The following RFTN1 variants were observed in gnomAD, a reference collection of about 807,000 sequenced individuals.
RFTN1 encodes the protein raftlin, lipid raft linker 1, also known as raftlin.
A neutral mutation model predicts 46.5 loss-of-function variants in RFTN1; 26 were observed. The observed-to-expected ratio is 0.56, with a 90% CI of 0.41 to 0.78. The LOEUF (loss-of-function observed/expected upper bound fraction) is 0.78, where lower values mean the gene tolerates loss of function less well. Ranked by LOEUF, RFTN1 falls within the 30% of genes least tolerant of loss-of-function variation. RFTN1 has a pLI of 0.00. For synonymous variants in RFTN1, 261 were observed against 284.2 expected (o/e 0.92, Z 0.82); for missense variants, 693 against 718.7 (o/e 0.96, Z 0.41).
At position 16,334,601 on chromosome 3, in the gene RFTN1, A is replaced by T. The variant is rs2070670568; in HGVS notation, c.1147-7725T>A. On this transcript the variant is annotated intron_variant, in intron 7 of 9. Transcript: ENST00000334133. The surrounding 1 kb of genome is among the most constrained non-coding windows in gnomAD (Gnocchi z 4.3). Reference sequence around the variant, plus strand: ...GCTCATGTGTTGAGCCGGGGCATACAGGATGAAGAGGGACAATGAGAGGGA... The same window carrying T: ...GCTCATGTGTTGAGCCGGGGCATACTGGATGAAGAGGGACAATGAGAGGGA... Among the ~76,000 whole-genome samples the T allele has an allele frequency of 6.6e-6, 1 of 152,218 alleles. No homozygotes were observed. The highest frequency in any genetic ancestry group is 2.1e-4 in the South Asian group (1 of 4,830).
chr3:16,358,479 C>G (rs1275323014), intron 6 of RFTN1, among the ~76,000 whole-genome samples: 1 of 150,808 alleles, frequency 6.6e-6, no homozygotes, highest in South Asian at 2.1e-4. Context: ...ATATAACACA[C>G]CAGATCTGAG....
Position 16,424,385 on chromosome 3 carries a change from TG to T in RFTN1, c.332+9465del, listed in dbSNP as rs2075250076. Among the ~76,000 whole-genome samples, 1 of 152,204 alleles carries T rather than the reference TG, an allele frequency of 6.6e-6. No individual in the cohort carries two copies. The highest frequency in any genetic ancestry group is 6.5e-5 in the Admixed American group (1 of 15,282). ...ATGGTATCTTTTGGTTACAAAACAGTGTATGTCTAAAACCTCTGCTGAAAGC... is the reference window on the plus strand; with the variant it reads ...ATGGTATCTTTTGGTTACAAAACAGTTATGTCTAAAACCTCTGCTGAAAGC... On this transcript the variant is annotated intron_variant, in intron 3 of 9. Transcript: ENST00000334133. The surrounding 1 kb of genome is among the most constrained non-coding windows in gnomAD (Gnocchi z 4.7).
rs566938019 is a variant in RFTN1, at chr3:16,375,512, C to T, written c.826+2206G>A. Among the ~76,000 whole-genome samples the T allele has an allele frequency of 2.0e-3, 311 of 152,030 alleles. 1 individual carries two copies. The highest frequency in any genetic ancestry group is 6.9e-3 in the African/African-American group (286 of 41,428). On this transcript the variant is annotated intron_variant, in intron 5 of 9. Coordinates refer to ENST00000334133, the MANE Select transcript of RFTN1 (RefSeq NM_015150.2). The stretch of plus-strand genomic sequence containing the variant: ...GAATAGGGCACTTGGAGGGTGACTG[C>T]CATCGTGACCACTGAAAGGCTTATA...
chr3:16,491,923 G>A (rs1056957060), intron 2 of RFTN1, among the ~76,000 whole-genome samples: 65 of 152,086 alleles, frequency 4.3e-4, no homozygotes, highest in African/African-American at 1.5e-3. Flanking sequence ...GCAATGCCCA[G>A]CACATTGTAG....
rs148849759 is a variant in RFTN1, at chr3:16,409,420, T to A, written c.396A>T (p.Leu132Phe). 1 of 1,613,712 alleles carries A rather than the reference T, an allele frequency of 6.2e-7. No homozygotes were observed. Among genetic ancestry groups the A allele is most frequent in the South Asian group, 1.1e-5 (1 of 91,090 alleles). The change falls in exon 4 of 10, where the codon TTA (leucine) becomes TTT (phenylalanine). Residue 132 changes from leucine to phenylalanine, a missense_variant. Physicochemically the swap from Leu to Phe is conservative, Grantham distance 22. Transcript: ENST00000334133. ...YILELDCCSS[L>F]DHPTDQKLIP... is the part of the protein sequence containing the mutation. ...TGAGTTTCTGGTCTGTCGGGTGGTC[T>A]AAGGAGGAACAGCAATCTAATTCCA...
At chr3:16,373,515 C>T (rs780327892) in intron 5 of RFTN1, among the ~76,000 whole-genome samples, 1 of 152,192 alleles carries the variant, frequency 6.6e-6, no homozygotes, top group Non-Finnish European at 1.5e-5. Flanking sequence ...AGGTCTGTAC[C>T]TGGGCGTGGG....
At position 16,481,004 on chromosome 3, in the gene RFTN1, C is replaced by T. The variant is rs2076357513; in HGVS notation, c.145+12721G>A. ...ACATGCACACACACACACAGACACA[C>T]ACACACACACACACACACACACACA... On this transcript the variant is annotated intron_variant, in intron 2 of 9. Coordinates refer to ENST00000334133, the MANE Select transcript of RFTN1 (RefSeq NM_015150.2). This position sits in a 1 kb window ranked among gnomAD's most constrained non-coding sequence, Gnocchi z 5.1. Among the ~76,000 whole-genome samples, 1 of 150,656 alleles carries T rather than the reference C, an allele frequency of 6.6e-6. No individual in the cohort carries two copies. The highest frequency in any genetic ancestry group is 6.6e-5 in the Admixed American group (1 of 15,160).
intron 1 of RFTN1, among the ~76,000 whole-genome samples, chr3:16,502,213 T>A (rs992538222): frequency 2.0e-5 from 3 of 151,478 alleles, no homozygotes; most frequent in Non-Finnish European, 4.4e-5. Context: ...CAAAAAAATT[T>A]AAAAAAGAAA....
At chr3:16,495,685 G>C (rs1298385057) in intron 1 of RFTN1, among the ~76,000 whole-genome samples, 1 of 152,248 alleles carries the variant, frequency 6.6e-6, no homozygotes, top group African/African-American at 2.4e-5. Flanking sequence ...AGGCAGTGTG[G>C]TTTGGCAGGC....
rs73144305 is a variant in RFTN1, at chr3:16,355,078, A to G, written c.1146+2854T>C. Among the ~76,000 whole-genome samples the G allele has an allele frequency of 9.8e-3, 1,491 of 152,230 alleles. 19 individuals carry two copies. Among genetic ancestry groups the G allele is most frequent in the African/African-American group, 0.034 (1,394 of 41,528 alleles). On this transcript the variant is annotated intron_variant, in intron 7 of 9. Coordinates refer to ENST00000334133, the MANE Select transcript of RFTN1 (RefSeq NM_015150.2). The stretch of plus-strand genomic sequence containing the variant: ...ATCATGACTACTTAGATAATTTCCG[A>G]TAAGTCTGAGGCCCTCTCTACAGCT...
rs187515297 is a variant in RFTN1 at position 16,484,779 on chromosome 3, C to G, written c.145+8946G>C. 6.6e-6 allele frequency: 1 copy of G among 152,334 alleles called. No homozygotes were observed. Among genetic ancestry groups the G allele is most frequent in the African/African-American group, 2.4e-5 (1 of 41,572 alleles). The allele number at this position is 152,334 out of a possible 1,614,324, so 9.4% of individuals were successfully genotyped here. A position where few individuals can be genotyped will look rare whatever the true frequency, so the allele number is the denominator to read the frequency against. On this transcript the variant is annotated intron_variant, in intron 2 of 9. Coordinates refer to ENST00000334133, the MANE Select transcript of RFTN1 (RefSeq NM_015150.2). The surrounding 1 kb of genome is among the most constrained non-coding windows in gnomAD (Gnocchi z 4.6). Reference sequence around the variant, plus strand: ...GTGAAGGCTTTGCTGTTCAGTAAAACTACAAGATATCCTGCAAAGCTCCAA... The same window carrying G: ...GTGAAGGCTTTGCTGTTCAGTAAAAGTACAAGATATCCTGCAAAGCTCCAA...
chr3:16,378,847 G>C (rs1231033370), intron 4 of RFTN1, among the ~76,000 whole-genome samples: 1 of 152,144 alleles, frequency 6.6e-6, no homozygotes, highest in Non-Finnish European at 1.5e-5. Flanking sequence ...CTGTACCAAC[G>C]GGATGGGGGA....
rs533494314 is a variant in RFTN1 at position 16,372,449 on chromosome 3, G to A, written c.827-2170C>T. Among the ~76,000 whole-genome samples the A allele has an allele frequency of 1.9e-4, 29 of 152,228 alleles. No homozygotes were observed. The East Asian group carries it at 3.5e-3, about 18-fold the overall frequency. The stretch of plus-strand genomic sequence containing the variant: ...GGAAGCGGTGGGCTCGGCCAGAGCT[G>A]TCCACAGGTGACCCCAACATGGGCC... On this transcript the variant is annotated intron_variant, in intron 5 of 9. Transcript: ENST00000334133.
chr3:16,414,310 A>G (rs1461652975), intron 3 of RFTN1, among the ~76,000 whole-genome samples: 1 of 149,048 alleles, frequency 6.7e-6, no homozygotes, highest in East Asian at 1.9e-4. Flanking sequence ...AAAAAAAAAA[A>G]GAAAGAAAGA....
chr3:16,416,010 A>C (rs2125459066), intron 3 of RFTN1: 1 of 257,460 alleles, frequency 3.9e-6, no homozygotes, highest in Non-Finnish European at 7.9e-6. Context: ...TGAAAAAAAA[A>C]AATCATCATC....
At chr3:16,435,324 T>A (rs2075482523) in intron 2 of RFTN1, among the ~76,000 whole-genome samples, 1 of 152,216 alleles carries the variant, frequency 6.6e-6, no homozygotes, top group Admixed American at 6.5e-5. Context: ...ATCCCCGCAC[T>A]TTGGGAGGCC....
Position 16,396,165 on chromosome 3 carries a change from GA to G in RFTN1, c.441+13209del, listed in dbSNP as rs2074463885. 2.0e-5 allele frequency among the ~76,000 whole-genome samples: 3 copies of G among 152,128 alleles called. No individual in the cohort carries two copies. The South Asian group carries it at 6.2e-4, about 32-fold the overall frequency. On this transcript the variant is annotated intron_variant, in intron 4 of 9. Coordinates refer to ENST00000334133, the MANE Select transcript of RFTN1 (RefSeq NM_015150.2). ...ATAAAAGAAAGAAAAATCAAACCTG[GA>G]AAGACTGATATTTGAAGATCTGATT... is the stretch of plus-strand genomic sequence containing the variant.
At chr3:16,502,738 G>A (rs1343315603) in intron 1 of RFTN1, among the ~76,000 whole-genome samples, 2 of 152,252 alleles carry the variant, frequency 1.3e-5, no homozygotes, top group Admixed American at 6.5e-5. Context: ...TGTGGAAGTA[G>A]ATCCTACAGC....
rs565318787 is a variant in RFTN1 at position 16,356,484 on chromosome 3, C to T, written c.1146+1448G>A. Reference sequence around the variant, plus strand: ...CAGTTATTTCTCATCCCTGTTCAGACGCAGGTATGCCCCCCAACAGCCTTG... The same window carrying T: ...CAGTTATTTCTCATCCCTGTTCAGATGCAGGTATGCCCCCCAACAGCCTTG... On this transcript the variant is annotated intron_variant, in intron 7 of 9. Transcript: ENST00000334133. This position sits in a 1 kb window ranked among gnomAD's most constrained non-coding sequence, Gnocchi z 4.9. Among the ~76,000 whole-genome samples the T allele has an allele frequency of 3.4e-4, 45 of 130,752 alleles. No homozygotes were observed. The highest frequency in any genetic ancestry group is 6.8e-4 in the Admixed American group (9 of 13,232). The allele number at this position is 130,752 out of a possible 152,430, so 85.8% of individuals were successfully genotyped here.
Sources: gnomAD v4.1 joint callset for allele counts (sites outside exome capture counted in the v4.1 genomes callset) on GRCh38, gnomAD v4.1.1 for gene constraint, Gnocchi (gnomAD v3.1) non-coding constraint, MANE v1.5 for transcripts, NCBI Gene and HGNC (gene_info 2026-07-23, HGNC 2026-07-21) for gene names.